IQCB1: variants seen among roughly 807,000 people sequenced by gnomAD.
The protein encoded by IQCB1 is IQ motif containing B1.
IQCB1 carries 56 observed loss-of-function variants against 84.4 expected under a neutral mutation model. The ratio of observed to expected loss-of-function variants is 0.66; its 90% CI spans 0.54 to 0.83. The LOEUF is 0.83. Among genes scored for constraint, IQCB1 ranks in the 40% least tolerant of loss-of-function variants. The pLI is 0.00. For synonymous variants in IQCB1, 210 were observed against 234.8 expected, an observed-to-expected ratio of 0.89 and a Z score of 0.96; for missense variants, 629 against 682.1, an observed-to-expected ratio of 0.92 and a Z score of 0.87.
intron 5 of IQCB1, among the ~76,000 whole-genome samples, chr3:121,816,327 A>G (rs1950055294): frequency 1.3e-5 from 2 of 152,140 alleles, no homozygotes; most frequent in South Asian, 4.1e-4. Context: ...CTAGAAGAAA[A>G]CCTAGGCAAT....
Position 121,826,078 on chromosome 3 carries a change from T to C in IQCB1, c.366A>G (p.Leu122=), listed in dbSNP as rs766755059. The C allele has an allele frequency of 1.9e-6, 3 of 1,613,316 alleles. No individual in the cohort carries two copies. The highest frequency in any genetic ancestry group is 2.5e-6 in the Non-Finnish European group (3 of 1,179,308). Residue 122 remains leucine, a synonymous_variant, in exon 5 of 15, where the codon TTA becomes TTG. Transcript: ENST00000310864. ...TAGCTGCATTGATAAAACATGTTTG[T>C]AATTGTCTCCCCAAAACTAGAAAAT... ...AENFLVLGRQ[L]QTCFINAAKA...
intron 5 of IQCB1, among the ~76,000 whole-genome samples, chr3:121,820,307 A>T (rs956554376): frequency 6.6e-6 from 1 of 152,192 alleles, no homozygotes; most frequent in Admixed American, 6.5e-5. Flanking sequence ...TTATTAAAAA[A>T]TTAAAAATGG....
chr3:121,810,072 G>A (rs1949767266), intron 5 of IQCB1, among the ~76,000 whole-genome samples: 1 of 151,972 alleles, frequency 6.6e-6, no homozygotes, highest in Non-Finnish European at 1.5e-5. Flanking sequence ...AATTCTCATT[G>A]TTGTCAATCC....
intron 4 of IQCB1, 81 bp from the exon 5 acceptor site, chr3:121,826,261 G>T (rs931669231): frequency 2.9e-6 from 4 of 1,357,556 alleles, no homozygotes; most frequent in Non-Finnish European, 4.2e-6. Flanking sequence ...GCCTTATTGA[G>T]AATTTTTAGT....
intron 5 of IQCB1, among the ~76,000 whole-genome samples, chr3:121,813,347 T>C (rs1949908081): frequency 6.6e-6 from 1 of 152,118 alleles, no homozygotes; most frequent in Non-Finnish European, 1.5e-5. Flanking sequence ...CATGACACTA[T>C]GAAGAAACTG....
At chr3:121,812,786 A>G (rs999198670) in intron 5 of IQCB1, among the ~76,000 whole-genome samples, 1 of 152,220 alleles carries the variant, frequency 6.6e-6, no homozygotes, top group African/African-American at 2.4e-5. Flanking sequence ...AGACAAACAT[A>G]CGATTGCTTG....
At chr3:121,781,986 G>A in intron 12 of IQCB1, 112 bp from the exon 13 acceptor site, 1 of 1,091,746 alleles carries the variant, frequency 9.2e-7, no homozygotes, top group Non-Finnish European at 1.4e-6. Context: ...AACTCTGAGT[G>A]TGTATAAGGA....
chr3:121,794,864 A>G (rs1481533627), intron 10 of IQCB1, among the ~76,000 whole-genome samples: 1 of 152,168 alleles, frequency 6.6e-6, no homozygotes, highest in Non-Finnish European at 1.5e-5. Context: ...AGGCTGCATG[A>G]AAAAGTCACC....
chr3:121,775,688 T>C (rs1236363027), intron 13 of IQCB1, among the ~76,000 whole-genome samples: 1 of 152,194 alleles, frequency 6.6e-6, no homozygotes, highest in Non-Finnish European at 1.5e-5. Context: ...ATTTTTAAAA[T>C]CTCAGGACCC....
At chr3:121,789,893 T>C (rs1948886662) in intron 11 of IQCB1, among the ~76,000 whole-genome samples, 180 bp downstream of exon 11, 2 of 152,158 alleles carry the variant, frequency 1.3e-5, no homozygotes, top group African/African-American at 4.8e-5. Context: ...CTAATAGGTC[T>C]GAATTGAAAA....
intron 13 of IQCB1, among the ~76,000 whole-genome samples, chr3:121,778,704 G>C (rs1948342362): frequency 6.6e-6 from 1 of 151,784 alleles, no homozygotes; most frequent in Admixed American, 6.6e-5. Context: ...TCAGGAGTTC[G>C]AGACCAGCCT....
In IQCB1 at chr3:121,788,397, T is replaced by A; in HGVS notation, c.1165A>T (p.Lys389Ter). 1 of 1,613,868 alleles carries A rather than the reference T, an allele frequency of 6.2e-7. No individual in the cohort carries two copies. Among genetic ancestry groups the A allele is most frequent in the Non-Finnish European group, 8.5e-7 (1 of 1,179,824 alleles). The change falls in exon 12 of 15, where the codon AAA becomes TAA. Residue 389 changes from lysine (K) to a stop codon, truncating the protein, a stop_gained. Coordinates refer to ENST00000310864, the MANE Select transcript of IQCB1 (RefSeq NM_001023570.4). LOFTEE classifies it high-confidence loss of function. ...VEKHYREMEE[K>*]SALIIQKHWR... ...TGTTTCTGGATAATCAGTGCTGATT[T>A]CTCTTCCATTTCCCGATAGTGTTTC...
chr3:121,790,240 C>T (rs1324176615), intron 10 of IQCB1, 25 bp from the exon 11 acceptor site: 3 of 1,606,356 alleles, frequency 1.9e-6, no homozygotes, highest in Admixed American at 1.7e-5. Flanking sequence ...GTGTGTTATA[C>T]ATAATTTTCA....
chr3:121,811,590 G>C (rs899801430), intron 5 of IQCB1, among the ~76,000 whole-genome samples: 4 of 152,104 alleles, frequency 2.6e-5, no homozygotes, highest in African/African-American at 9.7e-5. Context: ...TGGTGGGAAG[G>C]GCATCCACCA....
At chr3:121,771,414 C>T (rs192709078) in intron 14 of IQCB1, among the ~76,000 whole-genome samples, 7 of 151,832 alleles carry the variant, frequency 4.6e-5, no homozygotes, top group South Asian at 4.2e-4. Flanking sequence ...CTACAACCTC[C>T]GCCTCCCGGG....
Position 121,828,848 on chromosome 3 carries a change from A to C in IQCB1, c.100+13T>G. 6.8e-7 allele frequency: 1 copy of C among 1,475,178 alleles called. No homozygotes were observed. 91.4% of individuals were successfully genotyped at this position (1,475,178 alleles called of 1,614,324 possible). On this transcript the variant is annotated intron_variant, in intron 3 of 14. Transcript: ENST00000310864. ...ACTTAAAATGCTATCTAATCACAAA[A>C]AGATTTTCTTACCTTTTAACTTCAA...
At chr3:121,782,648 TTA>T (rs1481297463) in intron 12 of IQCB1, among the ~76,000 whole-genome samples, 3 of 152,060 alleles carry the variant, frequency 2.0e-5, no homozygotes, top group African/African-American at 7.3e-5. Flanking sequence ...GCATGTAAAA[TTA>T]TATGAGATTC....
At chr3:121,829,282 G>C (rs1201464054) in intron 2 of IQCB1, among the ~76,000 whole-genome samples, 3 of 152,110 alleles carry the variant, frequency 2.0e-5, no homozygotes, top group African/African-American at 7.2e-5. Context: ...ATAATTCTAG[G>C]ATAGGAATTA....
At chr3:121,776,051 T>TG (rs1415979483) in intron 13 of IQCB1, among the ~76,000 whole-genome samples, 1 of 151,744 alleles carries the variant, frequency 6.6e-6, no homozygotes, top group Non-Finnish European at 1.5e-5. Flanking sequence ...CACGTTTTTT[T>TG]TTCTTTTTCT....
Sources: allele counts gnomAD v4.1 joint callset (sites outside exome capture counted in the v4.1 genomes callset), GRCh38; gene constraint gnomAD v4.1.1; transcripts MANE v1.5; gene names NCBI Gene and HGNC (gene_info 2026-07-23, HGNC 2026-07-21).